Variants in MBP observed in about 807,000 individuals in gnomAD.
MBP encodes myelin basic protein.
Under a neutral mutation model 35.8 loss-of-function variants are expected in MBP, and 16 were observed. That is an observed-to-expected ratio of 0.45 (90% confidence interval 0.30 to 0.68). The LOEUF is 0.68. MBP is among the 30% of genes least tolerant of loss of function. MBP has a pLI of 0.08. For missense variants in MBP, 380 were observed against 404.7 expected, an observed-to-expected ratio of 0.94 and a Z score of 0.52; for synonymous variants, 143 against 159.6, an observed-to-expected ratio of 0.90 and a Z score of 0.78.
intron 3 of MBP, among the ~76,000 whole-genome samples, chr18:77,043,991 C>G (rs534315470): frequency 1.1e-3 from 172 of 151,404 alleles, no homozygotes; most frequent in African/African-American, 3.6e-3. Context: ...TCCTGTGTCT[C>G]CTGATTTCTG....
chr18:77,111,511 G>A lies in MBP; in HGVS notation c.-25-6225C>T, dbSNP rs147663709. Among the ~76,000 whole-genome samples the A allele has an allele frequency of 8.5e-3, 1,291 of 152,374 alleles. 9 individuals are homozygous for A. The highest frequency in any genetic ancestry group is 0.031 in the Middle Eastern group (9 of 294). ...GGCCAGGCAGGGGCAGCAGCAGAAG[G>A]CTGTGGGCTGCAGGAAGGAGACCCC... On this transcript the variant is annotated intron_variant, in intron 1 of 8. Coordinates refer to ENST00000355994, the MANE Select transcript of MBP (RefSeq NM_001025101.2).
rs536250360 is a variant in MBP at position 76,988,655 on chromosome 18, G to A, written c.718-128C>T. 361 of 1,494,834 alleles carry A rather than the reference G, an allele frequency of 2.4e-4. No homozygotes were observed. Among genetic ancestry groups the A allele is most frequent in the Non-Finnish European group, 3.1e-4 (351 of 1,121,364 alleles). The allele number at this position is 1,494,834 out of a possible 1,614,324, so 92.6% of individuals were successfully genotyped here. A position where few individuals can be genotyped will look rare whatever the true frequency, so the allele number is the denominator to read the frequency against. ...AAAAACAGGTTCCACCCGGAGCTCC[G>A]AGGGGGGCCGCAGGCTCAGGGCCAC... On this transcript the variant is annotated intron_variant, in intron 6 of 8. Coordinates refer to ENST00000355994, the MANE Select transcript of MBP (RefSeq NM_001025101.2). The surrounding 1 kb of genome is among the most constrained non-coding windows in gnomAD (Gnocchi z 5.2).
At chr18:77,067,898 T>C in intron 2 of MBP, 1 of 488,320 alleles carries the variant, frequency 2.0e-6, no homozygotes, top group African/African-American at 1.9e-5. Context: ...TGTGACTCAC[T>C]TATGTACTGC....
chr18:77,044,177 A>G lies in MBP; in HGVS notation c.139+22121T>C, dbSNP rs1195109202. On this transcript the variant is annotated intron_variant, in intron 3 of 8. Coordinates refer to ENST00000355994, the MANE Select transcript of MBP (RefSeq NM_001025101.2). The surrounding 1 kb of genome is among the most constrained non-coding windows in gnomAD (Gnocchi z 4.4). ...CACTCCCTGGTGACTTACACATCTC[A>G]CAAGTGCCCTCCATCACCTGCTTGT... Among the ~76,000 whole-genome samples the G allele has an allele frequency of 6.6e-6, 1 of 151,798 alleles. No individual in the cohort carries two copies. Among genetic ancestry groups the G allele is most frequent in the Non-Finnish European group, 1.5e-5 (1 of 67,950 alleles).
intron 1 of MBP, among the ~76,000 whole-genome samples, chr18:77,127,063 A>G (rs529911750): frequency 9.2e-5 from 14 of 152,244 alleles, no homozygotes; most frequent in African/African-American, 3.4e-4. Flanking sequence ...CCCAGAACCT[A>G]CAATAGCTAA....
At chr18:77,055,599 CTCTT>C (rs1356073335) in intron 3 of MBP, among the ~76,000 whole-genome samples, 7 of 151,490 alleles carry the variant, frequency 4.6e-5, no homozygotes, top group African/African-American at 1.7e-4. Context: ...CTCTCTCTCT[CTCTT>C]TCTTTCTCTT....
At chr18:77,002,004 C>G (rs1314413715) in intron 4 of MBP, among the ~76,000 whole-genome samples, 1 of 152,232 alleles carries the variant, frequency 6.6e-6, no homozygotes, top group Non-Finnish European at 1.5e-5. Context: ...CATATTAACA[C>G]AGTACATTTT....
intron 1 of MBP, among the ~76,000 whole-genome samples, chr18:77,128,521 C>CCACACACA (rs56770189): frequency 0.039 from 5,747 of 147,654 alleles, 220 homozygotes; most frequent in African/African-American, 0.1. Context: ...CACGTGCATA[C>CCACACACA]CACACACACA....
intron 3 of MBP, among the ~76,000 whole-genome samples, chr18:77,025,947 C>T (rs1972203314): frequency 6.6e-6 from 1 of 152,192 alleles, no homozygotes; most frequent in Admixed American, 6.5e-5. Flanking sequence ...CTCCGAAAAA[C>T]CGTCCTTCTC....
intron 1 of MBP, among the ~76,000 whole-genome samples, chr18:77,116,360 C>T (rs1033941134): frequency 4.6e-5 from 7 of 152,310 alleles, no homozygotes; most frequent in East Asian, 1.9e-4. Flanking sequence ...TCCTTAACTT[C>T]GCAGGACACA....
intron 3 of MBP, among the ~76,000 whole-genome samples, chr18:77,025,721 T>TTTTTTTTTTTTTTTA (rs1972191307): frequency 6.7e-6 from 1 of 149,438 alleles, no homozygotes; most frequent in African/African-American, 2.5e-5. Flanking sequence ...TTTTTTTTTT[T>TTTTTTTTTTTTTTTA]TTTTACCTAG....
At chr18:77,060,248 G>T (rs1346100965) in intron 3 of MBP, among the ~76,000 whole-genome samples, 1 of 152,130 alleles carries the variant, frequency 6.6e-6, no homozygotes, top group Non-Finnish European at 1.5e-5. Flanking sequence ...TTTAATAAAT[G>T]AATGGAGAAA....
chr18:76,985,682 G>C, intron 7 of MBP: 2 of 1,051,938 alleles, frequency 1.9e-6, no homozygotes, highest in Non-Finnish European at 2.3e-6. Flanking sequence ...CCACCTCCCA[G>C]TCCCCTAGCA....
At position 76,980,135 on chromosome 18, in the gene MBP, A is replaced by G. The variant is rs1203561014; in HGVS notation, c.*292T>C. ...GGTGAACGTGGAGGGACGTCTGTGC[A>G]CCTGGCCCCCTGAAGACCCACGTGC... is the stretch of plus-strand genomic sequence containing the variant. On this transcript the variant is annotated 3_prime_UTR_variant, in exon 9 of 9. Coordinates refer to ENST00000355994, the MANE Select transcript of MBP (RefSeq NM_001025101.2). 3 of 662,258 alleles carry G rather than the reference A, an allele frequency of 4.5e-6. No individual in the cohort carries two copies. Among genetic ancestry groups the G allele is most frequent in the Non-Finnish European group, 8.2e-6 (3 of 368,024 alleles). The allele number at this position is 662,258 out of a possible 1,614,324, so 41.0% of individuals were successfully genotyped here.
intron 1 of MBP, chr18:77,109,522 A>T (rs1976381794): frequency 6.6e-6 from 1 of 152,260 alleles, no homozygotes; most frequent in Admixed American, 6.5e-5. Flanking sequence ...TTTTGAAATA[A>T]TTGTGAGTGC....
chr18:77,133,293 G>C (rs1250736333), upstream of MBP, among the ~76,000 whole-genome samples: 1 of 152,210 alleles, frequency 6.6e-6, no homozygotes, highest in East Asian at 1.9e-4. Context: ...CCCAGGCCAG[G>C]CCCATGTCCG....
chr18:77,106,883 ATTC>A (rs2145145377), intron 1 of MBP, among the ~76,000 whole-genome samples: 2 of 152,322 alleles, frequency 1.3e-5, no homozygotes, highest in Admixed American at 1.3e-4. Context: ...TTGAAGGGGC[ATTC>A]TTCTCATTGG....
chr18:77,039,182 A>G (rs1424762295), intron 3 of MBP, among the ~76,000 whole-genome samples: 1 of 152,258 alleles, frequency 6.6e-6, no homozygotes, highest in Admixed American at 6.5e-5. Context: ...GAGGCTCCAC[A>G]GAGACTGCGT....
chr18:77,095,383 T>G (rs566117037), intron 2 of MBP: 2 of 152,168 alleles, frequency 1.3e-5, no homozygotes, highest in African/African-American at 4.8e-5. Flanking sequence ...AAGTAGAAAT[T>G]TTACACGTAC....
Sources: gnomAD v4.1 joint callset for allele counts (sites outside exome capture counted in the v4.1 genomes callset) on GRCh38, gnomAD v4.1.1 for gene constraint, Gnocchi (gnomAD v3.1) non-coding constraint, MANE v1.5 for transcripts, NCBI Gene and HGNC (gene_info 2026-07-23, HGNC 2026-07-21) for gene names.